The following ABR variants were observed in gnomAD, a reference collection of about 807,000 sequenced individuals.
ABR encodes ABR activator of RhoGEF and GTPase.
In ABR, 35 loss-of-function variants were observed where a neutral mutation model predicts 107.2. The observed-to-expected ratio is 0.33, with a 90% CI of 0.25 to 0.43. The LOEUF is 0.43. ABR is among the 20% of genes least tolerant of loss of function. The probability of loss-of-function intolerance (pLI) is 1.00; values close to 1 mark genes in which losing one functional copy is unlikely to be tolerated. For synonymous variants in ABR, 498 were observed against 462.0 expected (o/e 1.08, Z -1.00); for missense variants, 815 against 1,115.2 (o/e 0.73, Z 3.83).
chr17:1,077,105 T>C (rs2035799127), intron 6 of ABR, among the ~76,000 whole-genome samples: 1 of 152,240 alleles, frequency 6.6e-6, no homozygotes, highest in African/African-American at 2.4e-5. Flanking sequence ...GGCCAGAGAC[T>C]TGTGGCTACA....
upstream of ABR, among the ~76,000 whole-genome samples, chr17:1,183,224 A>AC (rs2042189331): frequency 6.6e-6 from 1 of 151,836 alleles, no homozygotes; most frequent in Non-Finnish European, 1.5e-5. Flanking sequence ...AAGGCACTGA[A>AC]CCCCCATCTA....
In ABR at chr17:1,071,064, G is replaced by A. The variant is rs552058152; in HGVS notation, c.895-974C>T. On this transcript the variant is annotated intron_variant, in intron 8 of 22. Coordinates refer to ENST00000302538, the MANE Select transcript of ABR (RefSeq NM_021962.5). This position sits in a 1 kb window ranked among gnomAD's most constrained non-coding sequence, Gnocchi z 5.1. ...TGTAATCTCAGCTACTTGGGAGGAT[G>A]AGGCAGGAGAATTGCTTGAACCCAG... Among the ~76,000 whole-genome samples, 35 of 152,258 alleles carry A rather than the reference G, an allele frequency of 2.3e-4. 1 individual carries two copies. Among genetic ancestry groups the A allele is most frequent in the South Asian group, 1.0e-3 (5 of 4,816 alleles).
chr17:1,050,429 G>T lies in ABR; in HGVS notation c.1659+108C>A. On this transcript the variant is annotated intron_variant, in intron 15 of 22. Coordinates refer to ENST00000302538, the MANE Select transcript of ABR (RefSeq NM_021962.5). The surrounding 1 kb of genome is among the most constrained non-coding windows in gnomAD (Gnocchi z 4.6). ...GCCAGAGGAGCAGGGAGCAGAAAGG[G>T]GGGTGCAGACATAGCTGGTCCAACC... 1 of 1,111,258 alleles carries T rather than the reference G, an allele frequency of 9.0e-7. No homozygotes were observed. The highest frequency in any genetic ancestry group is 1.3e-5 in the South Asian group (1 of 78,292). The allele number at this position is 1,111,258 out of a possible 1,614,324, so 68.8% of individuals were successfully genotyped here. A position where few individuals can be genotyped will look rare whatever the true frequency, so the allele number is the denominator to read the frequency against.
chr17:1,203,209 A>G (rs2042704234), intron 1 of ABR, among the ~76,000 whole-genome samples: 1 of 151,518 alleles, frequency 6.6e-6, no homozygotes. Flanking sequence ...AAGGTCTTTC[A>G]CTTGCCGGTG....
chr17:1,142,315 T>C (rs1239862068), intron 1 of ABR, among the ~76,000 whole-genome samples: 1 of 151,858 alleles, frequency 6.6e-6, no homozygotes, highest in Non-Finnish European at 1.5e-5. Flanking sequence ...CTGGGCACAG[T>C]GGCTCACGCC....
intron 16 of ABR, among the ~76,000 whole-genome samples, chr17:1,048,571 C>T (rs1274202867): frequency 2.0e-5 from 3 of 152,086 alleles, no homozygotes; most frequent in African/African-American, 7.2e-5. Context: ...CGGCGCCCAG[C>T]TGCGCCTGGA....
chr17:1,028,151 CAT>C (rs2072377581), intron 16 of ABR, among the ~76,000 whole-genome samples: 1 of 152,082 alleles, frequency 6.6e-6, no homozygotes, highest in Admixed American at 6.5e-5. Flanking sequence ...AGTGCAGTGG[CAT>C]GATCTCGGCT....
At chr17:1,100,199 A>C (rs2037771620) in intron 3 of ABR, among the ~76,000 whole-genome samples, 1 of 151,526 alleles carries the variant, frequency 6.6e-6, no homozygotes. Context: ...TCAGGATGGC[A>C]CTAACGGTTC....
intron 2 of ABR, among the ~76,000 whole-genome samples, chr17:1,121,207 T>C (rs2039329295): frequency 6.6e-6 from 1 of 152,118 alleles, no homozygotes; most frequent in Admixed American, 6.5e-5. Flanking sequence ...AAAGGCAGAG[T>C]GCAAGGCTGT....
chr17:1,086,549 G>A (rs988465525), intron 4 of ABR, among the ~76,000 whole-genome samples: 1 of 150,190 alleles, frequency 6.7e-6, no homozygotes, highest in Non-Finnish European at 1.5e-5. Context: ...CAACCAGGCC[G>A]GAGTGCACTG....
At chr17:1,098,075 CTTT>C (rs71372509) in intron 3 of ABR, among the ~76,000 whole-genome samples, 10 of 140,636 alleles carry the variant, frequency 7.1e-5, no homozygotes, top group Non-Finnish European at 3.1e-5. Flanking sequence ...GTTTTCTTTT[CTTT>C]TTTTTTTTTT....
intron 1 of ABR, among the ~76,000 whole-genome samples, chr17:1,137,720 C>A (rs1426887618): frequency 6.6e-6 from 1 of 152,184 alleles, no homozygotes; most frequent in Non-Finnish European, 1.5e-5. Flanking sequence ...AAAAACGCAG[C>A]ATCTTTGAAG....
chr17:1,146,637 GCCACCACTGCCACA>G (rs2040542091), intron 1 of ABR, among the ~76,000 whole-genome samples: 6 of 138,498 alleles, frequency 4.3e-5, no homozygotes, highest in Non-Finnish European at 7.8e-5. Flanking sequence ...ACTGCCACAT[GCCACCACTGCCACA>G]TGCCACCACT....
chr17:1,194,325 T>C (rs1480447927), intron 1 of ABR, among the ~76,000 whole-genome samples: 1 of 150,432 alleles, frequency 6.6e-6, no homozygotes, highest in Non-Finnish European at 1.5e-5. Context: ...GTAGCTAAGA[T>C]TACAGGTACA....
chr17:1,225,132 C>CTGTGAGA (rs2043189917), intron 1 of ABR, among the ~76,000 whole-genome samples: 2 of 144,086 alleles, frequency 1.4e-5, no homozygotes, highest in African/African-American at 5.3e-5. Flanking sequence ...CTGGGCAACA[C>CTGTGAGA]CGTGAGACTC....
rs923590673 is a variant in ABR at position 1,101,773 on chromosome 17, G to T, written c.247-1038C>A. On this transcript the variant is annotated intron_variant, in intron 2 of 22. Coordinates refer to ENST00000302538, the MANE Select transcript of ABR (RefSeq NM_021962.5). Reference sequence around the variant, plus strand: ...TTTAGAGACGGAGTCTCGCTCTGTCGCCCAGGCTAGAGTGCAGTGGCGCGA... The same window carrying T: ...TTTAGAGACGGAGTCTCGCTCTGTCTCCCAGGCTAGAGTGCAGTGGCGCGA... 3.4e-5 allele frequency among the ~76,000 whole-genome samples: 5 copies of T among 146,706 alleles called. No individual in the cohort carries two copies. The South Asian group carries it at 8.5e-4, about 25-fold the overall frequency.
upstream of ABR, among the ~76,000 whole-genome samples, chr17:1,189,369 G>A (rs2042384728): frequency 3.2e-5 from 3 of 93,922 alleles, no homozygotes; most frequent in South Asian, 3.3e-4. Context: ...TTTTTTTTTA[G>A]ACAGAGTCTC....
At chr17:1,215,521 G>A (rs886687387) in intron 1 of ABR, among the ~76,000 whole-genome samples, 1 of 152,194 alleles carries the variant, frequency 6.6e-6, no homozygotes, top group African/African-American at 2.4e-5. Context: ...GATTGCGGAC[G>A]GAGTCTCGTT....
chr17:1,171,211 T>G (rs1567855155), intron 1 of ABR, among the ~76,000 whole-genome samples: 1 of 152,190 alleles, frequency 6.6e-6, no homozygotes, highest in African/African-American at 2.4e-5. Flanking sequence ...ATAACTGGCT[T>G]AATTACACGG....
Sources: gnomAD v4.1 joint callset for allele counts (sites outside exome capture counted in the v4.1 genomes callset) on GRCh38, gnomAD v4.1.1 for gene constraint, Gnocchi (gnomAD v3.1) non-coding constraint, MANE v1.5 for transcripts, NCBI Gene and HGNC (gene_info 2026-07-23, HGNC 2026-07-21) for gene names.